XAB2: variants seen among roughly 807,000 people sequenced by gnomAD.
XAB2 encodes pre-mRNA-splicing factor SYF1.
A neutral mutation model predicts 113.4 loss-of-function variants in XAB2; 57 were observed. The observed-to-expected ratio is 0.50, with a 90% confidence interval of 0.41 to 0.63. The LOEUF (loss-of-function observed/expected upper bound fraction) is 0.63, where lower values mean the gene tolerates loss of function less well. Ranked by LOEUF, XAB2 falls within the 20% of genes least tolerant of loss-of-function variation. XAB2 has a pLI of 0.00. For synonymous variants in XAB2, 497 were observed against 498.8 expected, an observed-to-expected ratio of 1.00 and a Z score of 0.05; for missense variants, 1,037 against 1,233.3, an observed-to-expected ratio of 0.84 and a Z score of 2.38.
At position 7,620,857 on chromosome 19, in the gene XAB2, T is replaced by C. The variant is rs1401153340; in HGVS notation, c.1960A>G (p.Lys654Glu). The C allele has an allele frequency of 6.3e-7, 1 of 1,585,272 alleles. No individual in the cohort carries two copies. Among genetic ancestry groups the C allele is most frequent in the East Asian group, 2.3e-5 (1 of 44,422 alleles). Residue 654 changes from lysine (K) to glutamate (E), a missense_variant, in exon 14 of 19, where the codon AAG becomes GAG. Lys to Glu is a moderately conservative substitution (Grantham distance 56, BLOSUM62 1). Transcript: ENST00000358368. ...CCCACGGTGGGTACCTCAATGGCCT[T>C]CTGGTAGATGCCGCGGGTGTGGGTG... ...GVTHTRGIYQ[K>E]AIEVLSDEHA... is the part of the protein sequence containing the mutation.
intron 1 of XAB2, among the ~76,000 whole-genome samples, chr19:7,629,236 G>C (rs559708132): frequency 6.6e-6 from 1 of 152,206 alleles, no homozygotes; most frequent in Non-Finnish European, 1.5e-5. Flanking sequence ...CCTGGTTCGG[G>C]AGGCTAGACG....
Position 7,628,412 on chromosome 19 carries a change from A to AC in XAB2, c.52-115dup. ...TCCGGACTTTTACCTAGATCCCACCACCCACCAAGGAAGTCAGGTCACCAG... is the reference window on the plus strand; with the variant it reads ...TCCGGACTTTTACCTAGATCCCACCACCCCACCAAGGAAGTCAGGTCACCAG... On this transcript the variant is annotated intron_variant, in intron 1 of 18. Transcript: ENST00000358368. This position sits in a 1 kb window ranked among gnomAD's most constrained non-coding sequence, Gnocchi z 4.6. The AC allele has an allele frequency of 7.4e-7, 1 of 1,343,620 alleles. No individual in the cohort carries two copies. 83.2% of individuals were successfully genotyped at this position (1,343,620 alleles called of 1,614,324 possible).
chr19:7,627,835 G>A lies in XAB2; in HGVS notation c.217C>T (p.Arg73Ter), dbSNP rs1380454446. ...LLPCSYKLWY[R>*]YLKARRAQVK... ...TGTGCCCGACGCGCCTTCAGGTATC[G>A]GTACCAGAGTTTGTAGCTGGGGAAT... The change falls in exon 3 of 19, where the codon CGA becomes TGA. Residue 73 changes from arginine (R) to a stop codon, truncating the protein, a stop_gained. Transcript: ENST00000358368. LOFTEE classifies it high-confidence loss of function. This position sits in a 1 kb window ranked among gnomAD's most constrained non-coding sequence, Gnocchi z 4.5. 8 of 1,613,262 alleles carry A rather than the reference G, an allele frequency of 5.0e-6. No individual in the cohort carries two copies. The highest frequency in any genetic ancestry group is 1.3e-5 in the African/African-American group (1 of 74,920).
chr19:7,623,029 T>C lies in XAB2; in HGVS notation c.1240-136A>G, dbSNP rs4134847. The C allele has an allele frequency of 3.3e-4, 514 of 1,539,860 alleles. 1 individual carries two copies. In the African/African-American group the frequency reaches 6.2e-3, roughly 19 times the overall value. On this transcript the variant is annotated intron_variant, in intron 9 of 18. Transcript: ENST00000358368. This position sits in a 1 kb window ranked among gnomAD's most constrained non-coding sequence, Gnocchi z 4.6. Reference sequence around the variant, plus strand: ...GCACACACACAGGCACACACATGCGTGCACATATGCATGCACCCAAATGCA... The same window carrying C: ...GCACACACACAGGCACACACATGCGCGCACATATGCATGCACCCAAATGCA...
At position 7,626,157 on chromosome 19, in the gene XAB2, C is replaced by T. The variant is rs145713741; in HGVS notation, c.636G>A (p.Lys212=). Residue 212 remains lysine (K), a synonymous_variant, in exon 5 of 19, where the codon AAG becomes AAA. Transcript: ENST00000358368. ...CCACCTGGTAGTTGGACTTGCCGGCCTTAGACACGAAACGCTCGTCGTTCA... is the reference window on the plus strand; with the variant it reads ...CCACCTGGTAGTTGGACTTGCCGGCTTTAGACACGAAACGCTCGTCGTTCA... ...TVVNDERFVS[K]AGKSNYQLWH... 5.9e-4 allele frequency: 958 copies of T among 1,613,740 alleles called. 2 individuals are homozygous for T. In the African/African-American group the frequency reaches 0.011, roughly 19 times the overall value.
At position 7,624,541 on chromosome 19, in the gene XAB2, G is replaced by A. The variant is rs1158213384; in HGVS notation, c.823-96C>T. On this transcript the variant is annotated intron_variant, in intron 6 of 18. Transcript: ENST00000358368. This position sits in a 1 kb window ranked among gnomAD's most constrained non-coding sequence, Gnocchi z 4.2. ...CAGCCTCAATGTGGAACCCCTGGGGGCCTTCTGGGTAGTGACGCATCCAGC... is the reference window on the plus strand; with the variant it reads ...CAGCCTCAATGTGGAACCCCTGGGGACCTTCTGGGTAGTGACGCATCCAGC... 2 of 1,573,420 alleles carry A rather than the reference G, an allele frequency of 1.3e-6. No individual in the cohort carries two copies. Among genetic ancestry groups the A allele is most frequent in the African/African-American group, 1.3e-5 (1 of 74,494 alleles).
Position 7,625,140 on chromosome 19 carries a change from C to G in XAB2, c.823-695G>C, listed in dbSNP as rs1291295678. 6.6e-6 allele frequency among the ~76,000 whole-genome samples: 1 copy of G among 152,220 alleles called. No homozygotes were observed. The highest frequency in any genetic ancestry group is 2.4e-5 in the African/African-American group (1 of 41,454). ...TCGGCTCTGGCCCCCTCTGCACCCA[C>G]CTGCCCCCAGGCCATCCCCTGAGCT... On this transcript the variant is annotated intron_variant, in intron 6 of 18. Coordinates refer to ENST00000358368, the MANE Select transcript of XAB2 (RefSeq NM_020196.3). The surrounding 1 kb of genome is among the most constrained non-coding windows in gnomAD (Gnocchi z 5.2).
At position 7,625,789 on chromosome 19, in the gene XAB2, T is replaced by G; in HGVS notation, c.822+91A>C. ...CCACCACACCCAGCCATAAATGGCA[T>G]GTTTTCTGCCTGTGCATGTGTCAAC... is the stretch of plus-strand genomic sequence containing the variant. On this transcript the variant is annotated intron_variant, in intron 6 of 18. Transcript: ENST00000358368. The surrounding 1 kb of genome is among the most constrained non-coding windows in gnomAD (Gnocchi z 5.2). 2 of 1,488,346 alleles carry G rather than the reference T, an allele frequency of 1.3e-6. No homozygotes were observed. Among genetic ancestry groups the G allele is most frequent in the South Asian group, 1.4e-5 (1 of 73,828 alleles). 92.2% of individuals were successfully genotyped at this position (1,488,346 alleles called of 1,614,324 possible).
chr19:7,623,111 C>T lies in XAB2; in HGVS notation c.1239+59G>A, dbSNP rs921106035. ...AAATATGTACACACACATACATGCA[C>T]ACATATACAAGCACACACACATGCA... On this transcript the variant is annotated intron_variant, in intron 9 of 18. Coordinates refer to ENST00000358368, the MANE Select transcript of XAB2 (RefSeq NM_020196.3). The surrounding 1 kb of genome is among the most constrained non-coding windows in gnomAD (Gnocchi z 4.6). 4.4e-6 allele frequency: 7 copies of T among 1,601,418 alleles called. No individual in the cohort carries two copies. The Middle Eastern group carries it at 6.6e-4, about 152-fold the overall frequency.
At position 7,627,487 on chromosome 19, in the gene XAB2, G is replaced by T; in HGVS notation, c.325-47C>A. The T allele has an allele frequency of 6.3e-7, 1 of 1,575,832 alleles. No individual in the cohort carries two copies. The highest frequency in any genetic ancestry group is 1.1e-5 in the South Asian group (1 of 88,218). ...GCTGGGGCTAAGCCACGGACTCCAT[G>T]GCCTGGCCACAGACACTCGATGTCC... On this transcript the variant is annotated intron_variant, in intron 3 of 18. Coordinates refer to ENST00000358368, the MANE Select transcript of XAB2 (RefSeq NM_020196.3). This position sits in a 1 kb window ranked among gnomAD's most constrained non-coding sequence, Gnocchi z 4.5.
rs1267029596 is a variant in XAB2, at chr19:7,624,267, C to T, written c.967+34G>A. The T allele has an allele frequency of 6.2e-7, 1 of 1,609,544 alleles. No homozygotes were observed. Among genetic ancestry groups the T allele is most frequent in the Non-Finnish European group, 8.5e-7 (1 of 1,179,956 alleles). On this transcript the variant is annotated intron_variant, in intron 7 of 18. Coordinates refer to ENST00000358368, the MANE Select transcript of XAB2 (RefSeq NM_020196.3). This position sits in a 1 kb window ranked among gnomAD's most constrained non-coding sequence, Gnocchi z 4.2. ...CCCTACCGCTAATGTCCACTCAGCT[C>T]TCTCCCCACCAGCCGGGGCCCCCAG...
rs777747352 is a variant in XAB2, at chr19:7,623,123, C to T, written c.1239+47G>A. 43 of 1,605,592 alleles carry T rather than the reference C, an allele frequency of 2.7e-5. No homozygotes were observed. Among genetic ancestry groups the T allele is most frequent in the Non-Finnish European group, 3.0e-5 (35 of 1,175,452 alleles). The stretch of plus-strand genomic sequence containing the variant: ...ACACATACATGCACACATATACAAG[C>T]ACACACACATGCATGAACACACAGG... On this transcript the variant is annotated intron_variant, in intron 9 of 18. Transcript: ENST00000358368. This position sits in a 1 kb window ranked among gnomAD's most constrained non-coding sequence, Gnocchi z 4.6.
chr19:7,626,432 C>T (rs569832964), intron 4 of XAB2, among the ~76,000 whole-genome samples, 162 bp from the exon 5 acceptor site: 1 of 152,268 alleles, frequency 6.6e-6, no homozygotes, highest in Non-Finnish European at 1.5e-5. Context: ...CAGCCCGGTT[C>T]CTACTGGTCT....
chr19:7,620,312 C>T lies in XAB2; in HGVS notation c.2229G>A (p.Ser743=), dbSNP rs760700993. ...TYNTQVNFMA[S]QMLKVSGSAT... ...CACTGCCCGAGACCTTGAGCATCTG[C>T]GAGGCCATGAAGTTGACCTGCGTGT... is the stretch of plus-strand genomic sequence containing the variant. The change falls in exon 16 of 19, where the codon TCG becomes TCA. Residue 743 remains serine (S), a synonymous_variant. Coordinates refer to ENST00000358368, the MANE Select transcript of XAB2 (RefSeq NM_020196.3). 6.2e-6 allele frequency: 10 copies of T among 1,613,624 alleles called. No individual in the cohort carries two copies. Among genetic ancestry groups the T allele is most frequent in the South Asian group, 2.2e-5 (2 of 91,090 alleles).
chr19:7,627,216 G>A lies in XAB2; in HGVS notation c.522+27C>T, dbSNP rs1204080315. ...GAGGCCGTTTCTGGAAACTAACCTG[G>A]GGAACCAGCGCACCTGCTAGGCTCA... On this transcript the variant is annotated intron_variant, in intron 4 of 18. Coordinates refer to ENST00000358368, the MANE Select transcript of XAB2 (RefSeq NM_020196.3). This position sits in a 1 kb window ranked among gnomAD's most constrained non-coding sequence, Gnocchi z 4.5. 1 of 1,607,236 alleles carries A rather than the reference G, an allele frequency of 6.2e-7. No individual in the cohort carries two copies. The highest frequency in any genetic ancestry group is 1.1e-5 in the South Asian group (1 of 91,020).
chr19:7,620,954 C>T lies in XAB2; in HGVS notation c.1863G>A (p.Arg621=). 4 of 1,585,550 alleles carry T rather than the reference C, an allele frequency of 2.5e-6. No homozygotes were observed. Among genetic ancestry groups the T allele is most frequent in the Non-Finnish European group, 3.4e-6 (4 of 1,167,666 alleles). Residue 621 remains arginine, a synonymous_variant, in exon 14 of 19, where the codon AGG becomes AGA. Transcript: ENST00000358368. ...HAMAVYERAT[R]AVEPAQQYDM... is the part of the protein sequence containing the mutation. ...CATACTGCTGGGCGGGCTCCACGGC[C>T]CTGGTGGCACGCTCGTACACGGCCA...
chr19:7,622,125 G>C lies in XAB2; in HGVS notation c.1617+206C>G. ...AAGGCGGCTGTCTGTAAGCTAAGGAGAGAGGCCTCAGGAGGAACCAGCCCT... is the reference window on the plus strand; with the variant it reads ...AAGGCGGCTGTCTGTAAGCTAAGGACAGAGGCCTCAGGAGGAACCAGCCCT... On this transcript the variant is annotated intron_variant, in intron 12 of 18. Transcript: ENST00000358368. The C allele has an allele frequency of 5.3e-6, 3 of 562,348 alleles. No individual in the cohort carries two copies. In the South Asian group the frequency reaches 6.2e-5, roughly 12 times the overall value. The allele number at this position is 562,348 out of a possible 1,614,324, so 34.8% of individuals were successfully genotyped here.
intron 9 of XAB2, 103 bp from the exon 10 acceptor site, chr19:7,622,996 A>G: frequency 6.5e-7 from 1 of 1,544,330 alleles, no homozygotes; most frequent in Non-Finnish European, 8.7e-7. Flanking sequence ...ACAGGCACAA[A>G]CACACAGGCA....
In XAB2 at chr19:7,626,256, A is replaced by G. The variant is rs768456293; in HGVS notation, c.537T>C (p.Ser179=). ...YRRFLKLSPE[S]AEEYIEYLKS... ...TGAGGTACTCAATGTACTCCTCTGC[A>G]CTCTCAGGACTCAGCTGGGGACCGA... The change falls in exon 5 of 19, where the codon AGT becomes AGC. Residue 179 remains serine, a synonymous_variant. Coordinates refer to ENST00000358368, the MANE Select transcript of XAB2 (RefSeq NM_020196.3). The G allele has an allele frequency of 6.2e-7, 1 of 1,611,448 alleles. No individual in the cohort carries two copies. The highest frequency in any genetic ancestry group is 1.1e-5 in the South Asian group (1 of 91,076).
Sources: allele counts gnomAD v4.1 joint callset (sites outside exome capture counted in the v4.1 genomes callset), GRCh38; gene constraint gnomAD v4.1.1; non-coding constraint Gnocchi (gnomAD v3.1); transcripts MANE v1.5; gene names NCBI Gene and HGNC (gene_info 2026-07-23, HGNC 2026-07-21).